Variants in PCDHA6 observed in about 807,000 individuals in gnomAD.
PCDHA6 encodes protocadherin alpha 6.
In PCDHA6, 55 loss-of-function variants were observed where a neutral mutation model predicts 60.3. The observed-to-expected ratio is 0.91, with a 90% confidence interval of 0.73 to 1.14. PCDHA6 has a LOEUF of 1.14. PCDHA6 is among the 50% of genes most tolerant of loss of function. PCDHA6 has a pLI of 0.00. For missense variants in PCDHA6, 1,327 were observed against 1,256.5 expected (o/e 1.06, Z -0.85); for synonymous variants, 652 against 557.9 (o/e 1.17, Z -2.38).
chr5:140,876,312 G>C (rs557901977), intron 1 of PCDHA6: 1 of 1,614,036 alleles, frequency 6.2e-7, no homozygotes. Context: ...TTTCCTATGG[G>C]ATCAAAATGA....
intron 1 of PCDHA6, chr5:140,877,206 C>G (rs782807049): frequency 6.2e-7 from 1 of 1,613,768 alleles, no homozygotes; most frequent in South Asian, 1.1e-5. Context: ...GCGCAGTTAG[C>G]GAGTTGGTAC....
chr5:140,829,249 C>T lies in PCDHA6; in HGVS notation c.1158C>T (p.Asn386=). The T allele has an allele frequency of 2.5e-6, 4 of 1,614,262 alleles. No individual in the cohort carries two copies. The highest frequency in any genetic ancestry group is 3.4e-6 in the Non-Finnish European group (4 of 1,180,048). The part of the protein sequence containing the change: ...DLDSGANGQV[N]CSLTPHVPFK... ...ATTCAGGTGCCAACGGGCAGGTGAA[C>T]TGCTCGCTGACGCCTCACGTCCCTT... Residue 386 remains asparagine (N), a synonymous_variant, in exon 1 of 4, where the codon AAC becomes AAT. Coordinates refer to ENST00000529310, the MANE Select transcript of PCDHA6 (RefSeq NM_018909.4).
intron 1 of PCDHA6, among the ~76,000 whole-genome samples, chr5:140,844,362 T>G (rs1209255757): frequency 6.7e-6 from 1 of 149,512 alleles, no homozygotes; most frequent in African/African-American, 2.4e-5. Context: ...GGGAAGAGAT[T>G]TGTAATCCTT....
chr5:140,908,490 G>A (rs149646315), intron 1 of PCDHA6, among the ~76,000 whole-genome samples: 2 of 152,140 alleles, frequency 1.3e-5, no homozygotes, highest in Admixed American at 6.5e-5. Context: ...GGCAGTTCAG[G>A]TTGCTTGGTG....
intron 3 of PCDHA6, among the ~76,000 whole-genome samples, chr5:140,985,683 G>T (rs926848363): frequency 3.3e-5 from 5 of 151,148 alleles, no homozygotes; most frequent in Admixed American, 6.6e-5. Flanking sequence ...CCTGCCTTAC[G>T]CTAATCCTCG....
At position 140,835,736 on chromosome 5, in the gene PCDHA6, C is replaced by T. The variant is rs2150243450; in HGVS notation, c.2394+5251C>T. ...TGGAGGTGGCCGACGTGAACGACAACGCCCCGGCGTTCGCGCAGCCCGAGT... is the reference window on the plus strand; with the variant it reads ...TGGAGGTGGCCGACGTGAACGACAATGCCCCGGCGTTCGCGCAGCCCGAGT... On this transcript the variant is annotated intron_variant, in intron 1 of 3. Coordinates refer to ENST00000529310, the MANE Select transcript of PCDHA6 (RefSeq NM_018909.4). 7.4e-6 allele frequency: 12 copies of T among 1,613,586 alleles called. No individual in the cohort carries two copies. The African/African-American group carries it at 8.0e-5, about 11-fold the overall frequency.
At chr5:140,984,597 T>TA (rs1554246418) in intron 3 of PCDHA6, among the ~76,000 whole-genome samples, 1 of 152,182 alleles carries the variant, frequency 6.6e-6, no homozygotes, top group East Asian at 1.9e-4. Flanking sequence ...TTTCAATACA[T>TA]ACCTCTGCAT....
intron 1 of PCDHA6, among the ~76,000 whole-genome samples, chr5:140,880,655 G>A (rs782616371): frequency 6.6e-6 from 1 of 152,186 alleles, no homozygotes; most frequent in African/African-American, 2.4e-5. Context: ...CCCAACTGAG[G>A]TAAAGGTGAG....
intron 3 of PCDHA6, among the ~76,000 whole-genome samples, chr5:141,006,730 C>A (rs1222445312): frequency 1.3e-5 from 2 of 151,754 alleles, no homozygotes; most frequent in African/African-American, 4.8e-5. Context: ...AATGACAGGT[C>A]TTGATGATGT....
intron 1 of PCDHA6, chr5:140,857,107 T>C (rs1206126233): frequency 6.3e-7 from 1 of 1,597,628 alleles, no homozygotes; most frequent in Non-Finnish European, 8.6e-7. Flanking sequence ...TTGTCACTTC[T>C]CTGTCTCTCC....
intron 3 of PCDHA6, among the ~76,000 whole-genome samples, chr5:140,983,914 AGGATT>A (rs1327360241): frequency 6.6e-6 from 1 of 152,244 alleles, no homozygotes; most frequent in Non-Finnish European, 1.5e-5. Flanking sequence ...CTAATCAGCC[AGGATT>A]TGCTATTTAT....
Position 141,009,626 on chromosome 5 carries a change from G to C in PCDHA6, c.2543-1G>C, listed in dbSNP as rs782621388. The C allele has an allele frequency of 1.9e-6, 3 of 1,612,816 alleles. No individual in the cohort carries two copies. Among genetic ancestry groups the C allele is most frequent in the Non-Finnish European group, 2.5e-6 (3 of 1,179,228 alleles). On this transcript the variant is annotated splice_acceptor_variant, in intron 3 of 3. Transcript: ENST00000529310. LOFTEE classifies it high-confidence loss of function. ...ATGATTTGTAATGTTTTGTCTTTCA[G>C]AACCAGAGGCAGGAGAAGTGTCCCC...
intron 1 of PCDHA6, among the ~76,000 whole-genome samples, chr5:140,895,670 G>C (rs551602030): frequency 3.9e-5 from 6 of 152,250 alleles, no homozygotes; most frequent in Non-Finnish European, 8.8e-5. Context: ...AGAACATGTA[G>C]TATTTGGTTT....
In PCDHA6 at chr5:140,968,471, G is replaced by A. The variant is rs531821868; in HGVS notation, c.2395-10478G>A. On this transcript the variant is annotated intron_variant, in intron 1 of 3. Coordinates refer to ENST00000529310, the MANE Select transcript of PCDHA6 (RefSeq NM_018909.4). ...CAGCACTGTGACTGCCAACGTATAT[G>A]TGGTGGACATGAATGACCATGCCCC... 3.3e-5 allele frequency: 54 copies of A among 1,614,154 alleles called. No homozygotes were observed. The South Asian group carries it at 5.7e-4, about 17-fold the overall frequency.
At chr5:140,927,212 T>C (rs150770754) in intron 1 of PCDHA6, 20 of 1,614,012 alleles carry the variant, frequency 1.2e-5, no homozygotes, top group African/African-American at 1.1e-4. Flanking sequence ...CCGCTGGAGC[T>C]GCACAAGATT....
chr5:140,947,270 T>C (rs1230948656), intron 1 of PCDHA6, among the ~76,000 whole-genome samples: 1 of 151,546 alleles, frequency 6.6e-6, no homozygotes, highest in Non-Finnish European at 1.5e-5. Context: ...TTGTTGAAAA[T>C]ACTTTTTCTT....
At chr5:140,843,775 A>T (rs2150366589) in intron 1 of PCDHA6, 2 of 1,450,698 alleles carry the variant, frequency 1.4e-6, no homozygotes, top group East Asian at 4.6e-5. Context: ...AGTTACTTTA[A>T]AAGTGTTTCA....
chr5:140,857,057 G>A, intron 1 of PCDHA6: 1 of 1,596,192 alleles, frequency 6.3e-7, no homozygotes, highest in African/African-American at 1.3e-5. Flanking sequence ...CACGGTCCTA[G>A]TGGAACTACT....
chr5:140,831,244 C>G (rs1554133154), intron 1 of PCDHA6: 1 of 152,156 alleles, frequency 6.6e-6, no homozygotes, highest in African/African-American at 2.4e-5. Flanking sequence ...CATTGCGGCT[C>G]TCTTATTTCT....
Sources: allele counts gnomAD v4.1 joint callset (sites outside exome capture counted in the v4.1 genomes callset), GRCh38; gene constraint gnomAD v4.1.1; transcripts MANE v1.5; gene names NCBI Gene and HGNC (gene_info 2026-07-23, HGNC 2026-07-21).